The following PPFIA1 variants were observed in gnomAD, a reference collection of about 807,000 sequenced individuals.
PPFIA1 encodes liprin-alpha-1.
A neutral mutation model predicts 149.9 loss-of-function variants in PPFIA1; 25 were observed. The ratio of observed to expected loss-of-function variants is 0.17; its 90% CI spans 0.12 to 0.23. PPFIA1 has a LOEUF of 0.23. PPFIA1 is among the 10% of genes least tolerant of loss of function. The pLI is 1.00. For synonymous variants in PPFIA1, 549 were observed against 552.8 expected (o/e 0.99, Z 0.10); for missense variants, 1,362 against 1,506.5 (o/e 0.90, Z 1.59).
intron 2 of PPFIA1, among the ~76,000 whole-genome samples, chr11:70,272,856 C>T (rs1056100801): frequency 6.6e-6 from 1 of 151,686 alleles, no homozygotes; most frequent in Non-Finnish European, 1.5e-5. Flanking sequence ...ATTGATTTCA[C>T]GGAAAAAAAA....
intron 2 of PPFIA1, among the ~76,000 whole-genome samples, chr11:70,281,637 CT>C (rs2050764945): frequency 6.6e-6 from 1 of 152,174 alleles, no homozygotes; most frequent in Non-Finnish European, 1.5e-5. Context: ...CTTTCTAGAG[CT>C]CTGTAGCCTC....
At chr11:70,335,345 A>T in intron 10 of PPFIA1, among the ~76,000 whole-genome samples, 1 of 152,210 alleles carries the variant, frequency 6.6e-6, no homozygotes, top group East Asian at 1.9e-4. Flanking sequence ...GAGCAGTGGG[A>T]CCTTCTAGTT....
intron 9 of PPFIA1, among the ~76,000 whole-genome samples, chr11:70,332,719 T>TCACCGGG (rs2054740552): frequency 6.6e-6 from 1 of 152,162 alleles, no homozygotes; most frequent in African/African-American, 2.4e-5. Context: ...AGGGAGCGCA[T>TCACCGGG]CACCGGGCAC....
intron 16 of PPFIA1, among the ~76,000 whole-genome samples, 182 bp downstream of exon 16, chr11:70,348,602 G>A (rs761929026): frequency 3.9e-5 from 6 of 152,182 alleles, no homozygotes; most frequent in African/African-American, 1.4e-4. Context: ...ATCTGGGGCC[G>A]GGCGTGGTGG....
chr11:70,302,267 C>T (rs879515020), intron 2 of PPFIA1, among the ~76,000 whole-genome samples: 16 of 152,138 alleles, frequency 1.1e-4, no homozygotes, highest in African/African-American at 1.7e-4. Flanking sequence ...CCAGCAGCTT[C>T]GTAGGGTGGG....
In PPFIA1 at chr11:70,335,759, C is replaced by A; in HGVS notation, c.1428+65C>A. 1.9e-6 allele frequency: 3 copies of A among 1,568,998 alleles called. No homozygotes were observed. In the Admixed American group the frequency reaches 5.0e-5, roughly 26 times the overall value. On this transcript the variant is annotated intron_variant, in intron 11 of 27. Coordinates refer to ENST00000253925, the MANE Select transcript of PPFIA1 (RefSeq NM_003626.5). ...CTCTGCCAAAAGATTGCTCATCTGC[C>A]CCTGAGCAGGCGTGTGTAACAGTGG...
At chr11:70,382,768 G>A (rs1349105759) in intron 27 of PPFIA1, among the ~76,000 whole-genome samples, 1 of 152,106 alleles carries the variant, frequency 6.6e-6, no homozygotes, top group Admixed American at 6.6e-5. Context: ...TTTGTAATTG[G>A]TAACATGGAG....
intron 2 of PPFIA1, chr11:70,284,150 TA>T: frequency 2.3e-6 from 1 of 433,122 alleles, no homozygotes. Context: ...AGAATTGGAA[TA>T]AGGTAAAACT....
Position 70,338,401 on chromosome 11 carries a change from C to G in PPFIA1, c.1519C>G (p.Leu507Val), listed in dbSNP as rs1345266791. Residue 507 changes from leucine to valine, a missense_variant, in exon 13 of 28, where the codon CTG (leucine) becomes GTG (valine). Around this residue, in one of 7 missense-constraint regions of PPFIA1, gnomAD observed 733 missense variants for 744.1 expected, o/e 0.99. Coordinates refer to ENST00000253925, the MANE Select transcript of PPFIA1 (RefSeq NM_003626.5). Reference protein sequence around the residue: ...KDQLVLNIEALRAELDHMRLR... With the variant: ...KDQLVLNIEAVRAELDHMRLR... ...TCAGCTTGTCCTAAACATTGAAGCA[C>G]TGAGGGCTGAACTAGACCACATGAG... is the stretch of plus-strand genomic sequence containing the variant. 1 of 1,613,402 alleles carries G rather than the reference C, an allele frequency of 6.2e-7. No individual in the cohort carries two copies. The highest frequency in any genetic ancestry group is 2.2e-5 in the East Asian group (1 of 44,878).
At chr11:70,332,201 G>A (rs2054707890) in intron 9 of PPFIA1, 107 bp downstream of exon 9, 1 of 1,336,406 alleles carries the variant, frequency 7.5e-7, no homozygotes, top group Admixed American at 2.7e-5. Flanking sequence ...TAAATCCGTG[G>A]AAGAGCACGG....
At chr11:70,299,211 C>T (rs2052304764) in intron 2 of PPFIA1, among the ~76,000 whole-genome samples, 1 of 152,138 alleles carries the variant, frequency 6.6e-6, no homozygotes, top group Non-Finnish European at 1.5e-5. Flanking sequence ...TGCACTCCAG[C>T]CTGGGCAACA....
At chr11:70,304,658 C>G (rs1364043670) in intron 2 of PPFIA1, among the ~76,000 whole-genome samples, 1 of 152,092 alleles carries the variant, frequency 6.6e-6, no homozygotes, top group Non-Finnish European at 1.5e-5. Flanking sequence ...GGGGAGTGGT[C>G]TTGTGGGACT....
At chr11:70,289,505 C>A (rs76773768) in intron 2 of PPFIA1, among the ~76,000 whole-genome samples, 1 of 152,088 alleles carries the variant, frequency 6.6e-6, no homozygotes, top group South Asian at 2.1e-4. Context: ...AACAACCCTT[C>A]GAATGAAGTT....
rs2052958504 is a variant in PPFIA1 at position 70,307,785 on chromosome 11, GC to G, written c.265-16616del. 2.6e-5 allele frequency among the ~76,000 whole-genome samples: 4 copies of G among 152,038 alleles called. 1 individual carries two copies. In the South Asian group the frequency reaches 8.3e-4, roughly 31 times the overall value. ...AAAAATTTTTTTTTAAATTAGCTGG[GC>G]ATGATGGTGTGCACCTGTGGTCCCA... On this transcript the variant is annotated intron_variant, in intron 2 of 27. Coordinates refer to ENST00000253925, the MANE Select transcript of PPFIA1 (RefSeq NM_003626.5).
chr11:70,363,434 A>G (rs1372156644), intron 21 of PPFIA1: 4 of 152,262 alleles, frequency 2.6e-5, no homozygotes, highest in Admixed American at 6.5e-5. Flanking sequence ...TGTAAGTAGC[A>G]TCTTGAGTAA....
rs114219216 is a variant in PPFIA1, at chr11:70,272,587, C to T, written c.264+151C>T. On this transcript the variant is annotated intron_variant, in intron 2 of 27. Transcript: ENST00000253925. ...TGTTTGTAAGTCAAATACAAAGTTC[C>T]TAGGGATTAAACTTCTTAGGGAGAA... 0.01 allele frequency: 10,019 copies of T among 966,418 alleles called. 735 individuals carry two copies. The African/African-American group carries it at 0.15, about 15-fold the overall frequency. The allele number at this position is 966,418 out of a possible 1,614,324, so 59.9% of individuals were successfully genotyped here.
intron 21 of PPFIA1, chr11:70,367,594 T>A (rs767430634): frequency 8.8e-6 from 4 of 455,640 alleles, no homozygotes; most frequent in South Asian, 4.6e-5. Flanking sequence ...GTATGTTTTT[T>A]TTCCAGAAGG....
In PPFIA1 at chr11:70,352,715, G is replaced by A. The variant is rs767230659; in HGVS notation, c.2164-1586G>A. On this transcript the variant is annotated intron_variant, in intron 16 of 27. Coordinates refer to ENST00000253925, the MANE Select transcript of PPFIA1 (RefSeq NM_003626.5). Reference sequence around the variant, plus strand: ...GTCTGGCACGTGACAGCACTACAGCGTGTGGAGGGGTGCGGAGGGCGGCGT... The same window carrying A: ...GTCTGGCACGTGACAGCACTACAGCATGTGGAGGGGTGCGGAGGGCGGCGT... Among the ~76,000 whole-genome samples the A allele has an allele frequency of 1.7e-3, 258 of 149,524 alleles. 1 individual carries two copies. Among genetic ancestry groups the A allele is most frequent in the Middle Eastern group, 3.5e-3 (1 of 288 alleles).
At chr11:70,375,865 C>G (rs1241529109) in intron 24 of PPFIA1, among the ~76,000 whole-genome samples, 1 of 152,064 alleles carries the variant, frequency 6.6e-6, no homozygotes. Context: ...ACAACACACC[C>G]TTGTTAATAT....
Sources: gnomAD v4.1 joint callset for allele counts (sites outside exome capture counted in the v4.1 genomes callset) on GRCh38, gnomAD v4.1.1 for gene constraint, gnomAD v4.1.1 regional missense constraint, MANE v1.5 for transcripts, NCBI Gene and HGNC (gene_info 2026-07-23, HGNC 2026-07-21) for gene names.